The following CD83 variants were observed in gnomAD, a reference collection of about 807,000 sequenced individuals.
CD83 encodes the protein CD83 molecule.
Under a neutral mutation model 24.6 loss-of-function variants are expected in CD83, and 22 were observed. The ratio of observed to expected loss-of-function variants is 0.90; its 90% CI spans 0.64 to 1.28. The LOEUF is 1.28. CD83 is among the 50% of genes most tolerant of loss of function. CD83 has a pLI of 0.00. For missense variants in CD83, 253 were observed against 252.8 expected, an observed-to-expected ratio of 1.00 and a Z score of -0.01; for synonymous variants, 101 against 103.5, an observed-to-expected ratio of 0.98 and a Z score of 0.14.
intron 2 of CD83, among the ~76,000 whole-genome samples, chr6:14,119,087 T>C (rs1445331330): frequency 6.6e-6 from 1 of 152,194 alleles, no homozygotes; most frequent in Non-Finnish European, 1.5e-5. Flanking sequence ...GATCTCTTTG[T>C]GTGTGTGTCT....
chr6:14,125,707 G>C (rs1759788671), intron 2 of CD83, among the ~76,000 whole-genome samples: 1 of 152,158 alleles, frequency 6.6e-6, no homozygotes, highest in African/African-American at 2.4e-5. Context: ...TAATAGAAGA[G>C]AGATGATTGG....
chr6:14,132,839 C>T (rs1757946549), intron 3 of CD83, among the ~76,000 whole-genome samples: 1 of 152,248 alleles, frequency 6.6e-6, no homozygotes. Flanking sequence ...TTGCACTCCA[C>T]CTGCTCCTGC....
At chr6:14,134,977 G>C in intron 4 of CD83, 131 bp from the exon 5 acceptor site, 1 of 799,870 alleles carries the variant, frequency 1.3e-6, no homozygotes. Flanking sequence ...TGTGGAGCGA[G>C]TGAGGCAGTG....
chr6:14,131,931 T>A (rs1380435861), intron 3 of CD83, among the ~76,000 whole-genome samples, 183 bp downstream of exon 3: 1 of 152,224 alleles, frequency 6.6e-6, no homozygotes, highest in Non-Finnish European at 1.5e-5. Flanking sequence ...AATGATGCCT[T>A]TTGTTTGACT....
At chr6:14,127,927 C>A (rs1213360164) in intron 2 of CD83, among the ~76,000 whole-genome samples, 1 of 152,186 alleles carries the variant, frequency 6.6e-6, no homozygotes, top group African/African-American at 2.4e-5. Flanking sequence ...CACTGTACTA[C>A]AATATTAGCA....
rs771034512 is a variant in CD83 at position 14,118,084 on chromosome 6, A to C, written c.153+19A>C. Reference sequence around the variant, plus strand: ...GGTCAAGGTAGGTGCTGCGATACCCACGGGCTGGGGTTTGGTGGGCTCATT... The same window carrying C: ...GGTCAAGGTAGGTGCTGCGATACCCCCGGGCTGGGGTTTGGTGGGCTCATT... On this transcript the variant is annotated intron_variant, in intron 2 of 4. Transcript: ENST00000379153. 1.9e-6 allele frequency: 3 copies of C among 1,562,314 alleles called. No homozygotes were observed. Among genetic ancestry groups the C allele is most frequent in the Non-Finnish European group, 2.6e-6 (3 of 1,145,982 alleles).
chr6:14,120,668 A>G (rs960682057), intron 2 of CD83, among the ~76,000 whole-genome samples: 2 of 152,230 alleles, frequency 1.3e-5, no homozygotes, highest in Non-Finnish European at 2.9e-5. Context: ...TCTGCATATC[A>G]TAAGTATGGT....
rs767813254 is a variant in CD83 at position 14,135,184 on chromosome 6, C to T, written c.566C>T (p.Ser189Phe). The T allele has an allele frequency of 6.2e-7, 1 of 1,613,998 alleles. No individual in the cohort carries two copies. The highest frequency in any genetic ancestry group is 1.1e-5 in the South Asian group (1 of 91,082). Residue 189 changes from serine to phenylalanine, a missense_variant, in exon 5 of 5, where the codon TCC becomes TTC. Physicochemically the swap from Ser to Phe is radical, Grantham distance 155 (BLOSUM62 -2). Transcript: ENST00000379153. ...GMERAFLPVT[S>F]PNKHLGLVTP... ...GAACGAGCTTTTCTCCCAGTTACCT[C>T]CCCAAATAAGCATTTAGGGCTAGTG...
At chr6:14,128,914 C>T (rs886633445) in intron 2 of CD83, among the ~76,000 whole-genome samples, 4 of 152,224 alleles carry the variant, frequency 2.6e-5, no homozygotes, top group Non-Finnish European at 5.9e-5. Flanking sequence ...TACTGCCAGC[C>T]AGTTTTGATC....
Position 14,118,019 on chromosome 6 carries a change from C to T in CD83, c.107C>T (p.Thr36Ile), listed in dbSNP as rs772197208. 1.2e-6 allele frequency: 2 copies of T among 1,611,298 alleles called. No individual in the cohort carries two copies. The highest frequency in any genetic ancestry group is 1.1e-5 in the South Asian group (1 of 90,700). Residue 36 changes from threonine (T) to isoleucine (I), a missense_variant, in exon 2 of 5, where the codon ACC (threonine) becomes ATC (isoleucine). Transcript: ENST00000379153. ...ACSEDVDLPC[T>I]APWDPQVPYT... is the part of the protein sequence containing the mutation. ...TCCGAAGATGTGGACTTGCCCTGCA[C>T]CGCCCCCTGGGATCCGCAGGTTCCC...
chr6:14,131,951 C>T (rs1199780152), intron 3 of CD83, among the ~76,000 whole-genome samples: 1 of 152,164 alleles, frequency 6.6e-6, no homozygotes, highest in African/African-American at 2.4e-5. Flanking sequence ...TTTTGCCCAA[C>T]ACTTGTTAGG....
At position 14,130,778 on chromosome 6, in the gene CD83, T is replaced by C. The variant is rs988358065; in HGVS notation, c.154-742T>C. On this transcript the variant is annotated intron_variant, in intron 2 of 4. Transcript: ENST00000379153. ...CAGCCAGATAAAATGTCTGGCTAAA[T>C]TGGGCATCTCCCCAAGTCCGGCTGG... Among the ~76,000 whole-genome samples, 5 of 152,326 alleles carry C rather than the reference T, an allele frequency of 3.3e-5. No individual in the cohort carries two copies. In the East Asian group the frequency reaches 5.8e-4, roughly 18 times the overall value.
Position 14,135,496 on chromosome 6 carries a change from C to A in CD83, c.*260C>A. 1 of 400,896 alleles carries A rather than the reference C, an allele frequency of 2.5e-6. No homozygotes were observed. The highest frequency in any genetic ancestry group is 6.6e-4 in the Middle Eastern group (1 of 1,514). 24.8% of individuals were successfully genotyped at this position (400,896 alleles called of 1,614,324 possible). A position where few individuals can be genotyped will look rare whatever the true frequency, so the allele number is the denominator to read the frequency against. On this transcript the variant is annotated 3_prime_UTR_variant, in exon 5 of 5. Transcript: ENST00000379153. ...GCGATGTATGCAGCTATCTGGTCAA[C>A]CTCCTGGACATTTTTTCAGTCATAT... is the stretch of plus-strand genomic sequence containing the variant.
intron 2 of CD83, among the ~76,000 whole-genome samples, chr6:14,123,096 T>TTG (rs1372115062): frequency 6.6e-6 from 1 of 151,200 alleles, no homozygotes; most frequent in African/African-American, 2.4e-5. Context: ...GTTTGTTTGT[T>TTG]TTTGTTTTTT....
chr6:14,136,225 A>G lies in CD83; in HGVS notation c.*989A>G, dbSNP rs1403840489. Reference sequence around the variant, plus strand: ...TGAAAACATATAAAGCACTATACAGATTCGAAACTCCATTGAGTCATTATC... The same window carrying G: ...TGAAAACATATAAAGCACTATACAGGTTCGAAACTCCATTGAGTCATTATC... On this transcript the variant is annotated 3_prime_UTR_variant, in exon 5 of 5. Coordinates refer to ENST00000379153, the MANE Select transcript of CD83 (RefSeq NM_004233.4). The G allele has an allele frequency of 1.3e-5, 2 of 152,354 alleles. No individual in the cohort carries two copies. The highest frequency in any genetic ancestry group is 2.9e-5 in the Non-Finnish European group (2 of 68,040). 9.4% of individuals were successfully genotyped at this position (152,354 alleles called of 1,614,324 possible).
At chr6:14,124,441 C>T (rs901235002) in intron 2 of CD83, among the ~76,000 whole-genome samples, 2 of 152,178 alleles carry the variant, frequency 1.3e-5, no homozygotes, top group Non-Finnish European at 2.9e-5. Flanking sequence ...ATGCTGGTTT[C>T]CATAAACAGT....
chr6:14,117,420 G>A (rs1759550522), upstream of CD83: 1 of 152,128 alleles, frequency 6.6e-6, no homozygotes, highest in Non-Finnish European at 1.5e-5. This position sits in a 1 kb window ranked among gnomAD's most constrained non-coding sequence, Gnocchi z 4.6. Flanking sequence ...TTCCTTTTGC[G>A]GGTCAACGGC....
rs780806947 is a variant in CD83 at position 14,135,252 on chromosome 6, G to A, written c.*16G>A. 7 of 1,612,356 alleles carry A rather than the reference G, an allele frequency of 4.3e-6. No individual in the cohort carries two copies. Among genetic ancestry groups the A allele is most frequent in the Non-Finnish European group, 4.2e-6 (5 of 1,178,738 alleles). ...ACTGGTATGAGCAGGATTTCTGCAG[G>A]TTCTTCTTCCTGAAGCTGAGGCTCA... is the stretch of plus-strand genomic sequence containing the variant. On this transcript the variant is annotated 3_prime_UTR_variant, in exon 5 of 5. Transcript: ENST00000379153.
At position 14,135,489 on chromosome 6, in the gene CD83, T is replaced by G. The variant is rs1475270113; in HGVS notation, c.*253T>G. 1 of 430,464 alleles carries G rather than the reference T, an allele frequency of 2.3e-6. No homozygotes were observed. 26.7% of individuals were successfully genotyped at this position (430,464 alleles called of 1,614,324 possible). A position where few individuals can be genotyped will look rare whatever the true frequency, so the allele number is the denominator to read the frequency against. On this transcript the variant is annotated 3_prime_UTR_variant, in exon 5 of 5. Transcript: ENST00000379153. ...CTTTTCAGCGATGTATGCAGCTATC[T>G]GGTCAACCTCCTGGACATTTTTTCA... is the stretch of plus-strand genomic sequence containing the variant.
Sources: gnomAD v4.1 joint callset for allele counts (sites outside exome capture counted in the v4.1 genomes callset) on GRCh38, gnomAD v4.1.1 for gene constraint, Gnocchi (gnomAD v3.1) non-coding constraint, MANE v1.5 for transcripts, NCBI Gene and HGNC (gene_info 2026-07-23, HGNC 2026-07-21) for gene names.